PFKL: variants seen among roughly 807,000 people sequenced by gnomAD.
PFKL encodes the protein phosphofructokinase, liver type.
A neutral mutation model predicts 92.1 loss-of-function variants in PFKL; 74 were observed. The ratio of observed to expected loss-of-function variants is 0.80; its 90% CI spans 0.67 to 0.97. The LOEUF (loss-of-function observed/expected upper bound fraction) is 0.97, where lower values mean the gene tolerates loss of function less well. Among genes scored for constraint, PFKL ranks in the 50% least tolerant of loss-of-function variants. PFKL has a pLI of 0.00. For missense variants in PFKL, 1,028 were observed against 1,116.6 expected (o/e 0.92, Z 1.13); for synonymous variants, 494 against 456.4 (o/e 1.08, Z -1.05).
chr21:44,324,637 C>G lies in PFKL; in HGVS notation c.1797C>G (p.Phe599Leu), dbSNP rs2047448865. The change falls in exon 17 of 22, where the codon TTC becomes TTG. Residue 599 changes from phenylalanine (F) to leucine (L), a missense_variant. Phe to Leu is a conservative substitution (Grantham distance 22, BLOSUM62 0). Transcript: ENST00000349048. ...ADAAYVFEDPFNIHDLKVNVE... is the reference protein window; with the variant it reads ...ADAAYVFEDPLNIHDLKVNVE... ...CCGCCTACGTCTTCGAGGACCCTTT[C>G]AACATCCACGACTTAAAGGTGAGCC... 2 of 1,599,288 alleles carry G rather than the reference C, an allele frequency of 1.3e-6. No homozygotes were observed. The highest frequency in any genetic ancestry group is 1.3e-5 in the African/African-American group (1 of 74,726).
Position 44,311,037 on chromosome 21 carries a change from A to G in PFKL, c.191A>G (p.Asn64Ser), listed in dbSNP as rs1348631200. Residue 64 changes from asparagine (N) to serine (S), a missense_variant, in exon 3 of 22, where the codon AAC becomes AGC. Coordinates refer to ENST00000349048, the MANE Select transcript of PFKL (RefSeq NM_002626.6). ...GYEGLVEGGE[N>S]IKQANWLSVS... ...GAGGGCCTCGTGGAGGGAGGTGAGA[A>G]CATCAAGCAGGCCAACTGGCTGAGC... 1 of 1,613,000 alleles carries G rather than the reference A, an allele frequency of 6.2e-7. No individual in the cohort carries two copies. Among genetic ancestry groups the G allele is most frequent in the African/African-American group, 1.3e-5 (1 of 74,868 alleles).
chr21:44,305,190 T>G, intron 1 of PFKL: 1 of 1,189,248 alleles, frequency 8.4e-7, no homozygotes, highest in Non-Finnish European at 1.1e-6. Flanking sequence ...TCCTGTAGTG[T>G]GGGGATGGTG....
At chr21:44,319,752 G>A (rs1568963743) in intron 11 of PFKL, 2 of 522,094 alleles carry the variant, frequency 3.8e-6, no homozygotes, top group East Asian at 6.5e-5. Flanking sequence ...CCACCCCCCT[G>A]CAGGCGTCCT....
chr21:44,308,943 C>T (rs2041034552), intron 2 of PFKL, among the ~76,000 whole-genome samples: 1 of 152,132 alleles, frequency 6.6e-6, no homozygotes, highest in African/African-American at 2.4e-5. Flanking sequence ...TGTTGGCAGA[C>T]ACAGGTCTTT....
At chr21:44,322,871 C>T (rs984028645) in intron 14 of PFKL, 91 bp from the exon 15 acceptor site, 32 of 862,364 alleles carry the variant, frequency 3.7e-5, no homozygotes, top group Non-Finnish European at 4.7e-5. Flanking sequence ...GCTCGGGGAA[C>T]GGCCAAGGCA....
intron 7 of PFKL, chr21:44,315,054 G>C (rs1269729840): frequency 6.6e-6 from 1 of 152,356 alleles, no homozygotes; most frequent in Admixed American, 6.5e-5. Flanking sequence ...GTAATGACCT[G>C]GCTTCTAGAA....
At chr21:44,322,052 G>A in intron 13 of PFKL, 81 bp from the exon 14 acceptor site, 3 of 1,498,924 alleles carry the variant, frequency 2.0e-6, no homozygotes, top group Non-Finnish European at 1.8e-6. Flanking sequence ...ACACTGGCTG[G>A]CCCCCGGGCA....
intron 10 of PFKL, among the ~76,000 whole-genome samples, chr21:44,318,811 G>A (rs1056696542): frequency 4.6e-5 from 7 of 152,202 alleles, no homozygotes; most frequent in African/African-American, 1.4e-4. Flanking sequence ...GAGGTGTGTC[G>A]GAGCTGCAGG....
intron 2 of PFKL, among the ~76,000 whole-genome samples, chr21:44,310,135 C>T (rs540693275): frequency 4.6e-5 from 7 of 152,328 alleles, no homozygotes; most frequent in Non-Finnish European, 8.8e-5. Context: ...CGGGGCTGCA[C>T]GGAGGAGGCC....
intron 1 of PFKL, chr21:44,305,341 G>A (rs766247668): frequency 7.0e-5 from 96 of 1,365,848 alleles, no homozygotes; most frequent in Admixed American, 9.5e-5. Context: ...TGTAACCAGG[G>A]TAGAGGTCGA....
chr21:44,324,220 G>T (rs1253722006), intron 16 of PFKL, among the ~76,000 whole-genome samples: 2 of 152,144 alleles, frequency 1.3e-5, no homozygotes, highest in Non-Finnish European at 2.9e-5. Context: ...CTCTGTCCAA[G>T]GGTGCCAGGG....
intron 21 of PFKL, 142 bp from the exon 22 acceptor site, chr21:44,326,573 C>T: frequency 1.7e-6 from 2 of 1,162,666 alleles, no homozygotes; most frequent in Non-Finnish European, 1.2e-6. Context: ...AGACCTGTCC[C>T]AGCTCCACGG....
At chr21:44,321,547 T>A (rs2047355238) in intron 12 of PFKL, 182 bp from the exon 13 acceptor site, 1 of 527,156 alleles carries the variant, frequency 1.9e-6, no homozygotes. Flanking sequence ...TTCACCAGAA[T>A]CTTCTGGAAT....
chr21:44,325,447 A>T, intron 19 of PFKL, 183 bp downstream of exon 19: 1 of 588,060 alleles, frequency 1.7e-6, no homozygotes, highest in African/African-American at 1.9e-5. Flanking sequence ...CATTTCAAGA[A>T]GGGGTGGGGC....
chr21:44,323,175 G>A (rs2047403703), intron 15 of PFKL, 126 bp downstream of exon 15: 1 of 745,640 alleles, frequency 1.3e-6, no homozygotes, highest in Non-Finnish European at 2.2e-6. Flanking sequence ...GAGGGTCGGG[G>A]TTTTAAGTGC....
chr21:44,302,397 A>G (rs1461027496), intron 1 of PFKL, among the ~76,000 whole-genome samples: 3 of 152,200 alleles, frequency 2.0e-5, no homozygotes, highest in African/African-American at 7.2e-5. Flanking sequence ...GATGGGAGGA[A>G]CTGACATTCT....
rs1333520287 is a variant in PFKL at position 44,325,179 on chromosome 21, C to G, written c.1904C>G (p.Thr635Ser). ...LRNEKCHDYYTTEFLYNLYSS... is the reference protein window; with the variant it reads ...LRNEKCHDYYSTEFLYNLYSS... ...AACGAGAAGTGCCATGACTACTACA[C>G]CACGGAGTTCCTGTACAACCTGTAC... Residue 635 changes from threonine (T) to serine (S), a missense_variant, in exon 19 of 22, where the codon ACC (threonine) becomes AGC (serine). Coordinates refer to ENST00000349048, the MANE Select transcript of PFKL (RefSeq NM_002626.6). 9 of 1,612,564 alleles carry G rather than the reference C, an allele frequency of 5.6e-6. No individual in the cohort carries two copies. The highest frequency in any genetic ancestry group is 1.7e-5 in the Admixed American group (1 of 60,026).
chr21:44,325,908 T>A, intron 19 of PFKL, 53 bp from the exon 20 acceptor site: 1 of 1,431,566 alleles, frequency 7.0e-7, no homozygotes. Flanking sequence ...GGCGTTGGCC[T>A]TGGCCCAGGC....
chr21:44,324,484 C>T lies in PFKL; in HGVS notation c.1651-7C>T, dbSNP rs766574385. ...TGGAGGACCCCCGACCCCCCCTTGTCCCCCAGAGCTGTGACCGCATCAAAC... is the reference window on the plus strand; with the variant it reads ...TGGAGGACCCCCGACCCCCCCTTGTTCCCCAGAGCTGTGACCGCATCAAAC... On this transcript the variant is annotated splice_region_variant and splice_polypyrimidine_tract_variant and intron_variant, in intron 16 of 21. Coordinates refer to ENST00000349048, the MANE Select transcript of PFKL (RefSeq NM_002626.6). 4.3e-6 allele frequency: 7 copies of T among 1,612,896 alleles called. No individual in the cohort carries two copies. In the South Asian group the frequency reaches 5.5e-5, roughly 13 times the overall value.
Sources: gnomAD v4.1 joint callset for allele counts (sites outside exome capture counted in the v4.1 genomes callset) on GRCh38, gnomAD v4.1.1 for gene constraint, MANE v1.5 for transcripts, NCBI Gene and HGNC (gene_info 2026-07-23, HGNC 2026-07-21) for gene names.